Variants in KHDRBS2 observed in about 807,000 individuals in gnomAD.
KHDRBS2 encodes the protein KH RNA binding domain containing, signal transduction associated 2.
A neutral mutation model predicts 44.3 loss-of-function variants in KHDRBS2; 26 were observed. The observed-to-expected ratio is 0.59, with a 90% CI of 0.43 to 0.81. The LOEUF is 0.81. Ranked by LOEUF, KHDRBS2 falls within the 40% of genes least tolerant of loss-of-function variation. The pLI is 0.00. For synonymous variants in KHDRBS2, 194 were observed against 151.1 expected (o/e 1.28, Z -2.08); for missense variants, 476 against 433.1 (o/e 1.10, Z -0.88).
chr6:62,044,399 C>T (rs1258224036), intron 3 of KHDRBS2, among the ~76,000 whole-genome samples: 1 of 151,720 alleles, frequency 6.6e-6, no homozygotes, highest in African/African-American at 2.4e-5. Context: ...TCACTCGAGC[C>T]CTGAGCCCAA....
At chr6:61,865,217 C>T (rs896942295) in intron 6 of KHDRBS2, among the ~76,000 whole-genome samples, 1 of 152,132 alleles carries the variant, frequency 6.6e-6, no homozygotes, top group Non-Finnish European at 1.5e-5. Context: ...TTACAAGGTG[C>T]TCCTTTGGTT....
the KHDRBS2 span, among the ~76,000 whole-genome samples, chr6:61,610,883 C>T: frequency 8.5e-5 from 13 of 152,182 alleles, no homozygotes; most frequent in East Asian, 9.6e-4. Context: ...ACGGAATCCA[C>T]TCTTATAACT....
chr6:61,565,409 G>C, the KHDRBS2 span, among the ~76,000 whole-genome samples: 1 of 151,878 alleles, frequency 6.6e-6, no homozygotes, highest in African/African-American at 2.4e-5. Flanking sequence ...ATATTTAGAA[G>C]TATTCAACTG....
intron 6 of KHDRBS2, among the ~76,000 whole-genome samples, chr6:61,755,678 G>A (rs1452832066): frequency 2.0e-5 from 3 of 151,828 alleles, no homozygotes; most frequent in Non-Finnish European, 2.9e-5. Flanking sequence ...GGGTGTGGTG[G>A]TGTGTGCCTG....
intron 3 of KHDRBS2, among the ~76,000 whole-genome samples, chr6:62,023,150 A>G (rs1434153221): frequency 6.6e-6 from 1 of 151,746 alleles, no homozygotes; most frequent in East Asian, 1.9e-4. Flanking sequence ...AAGATAATTT[A>G]CTTCTAAAAT....
Position 61,778,800 on chromosome 6 carries a change from C to T in KHDRBS2, c.811-46036G>A, listed in dbSNP as rs182107276. ...CTCCACCAGTTTAAATGATAAAATG[C>T]CAGAAAGAATGGACTAGCTATTGAC... On this transcript the variant is annotated intron_variant, in intron 6 of 8. Transcript: ENST00000281156. Among the ~76,000 whole-genome samples, 11 of 152,250 alleles carry T rather than the reference C, an allele frequency of 7.2e-5. No individual in the cohort carries two copies. In the East Asian group the frequency reaches 2.1e-3, roughly 29 times the overall value.
intron 3 of KHDRBS2, among the ~76,000 whole-genome samples, chr6:62,030,071 G>T (rs1356372236): frequency 6.6e-6 from 1 of 151,932 alleles, no homozygotes; most frequent in Non-Finnish European, 1.5e-5. Context: ...AAATGTAAGC[G>T]AAAGCAGAAC....
At chr6:61,672,091 C>A in the KHDRBS2 span, among the ~76,000 whole-genome samples, 125 of 140,276 alleles carry the variant, frequency 8.9e-4, no homozygotes, top group African/African-American at 3.3e-3. Flanking sequence ...TGAGAATATG[C>A]GGTGTTTGGT....
chr6:62,160,753 G>T (rs563911608), intron 2 of KHDRBS2, among the ~76,000 whole-genome samples: 1 of 152,136 alleles, frequency 6.6e-6, no homozygotes, highest in Non-Finnish European at 1.5e-5. Context: ...CCAGTTGAGA[G>T]AAGGTGATGA....
chr6:61,669,855 C>T, the KHDRBS2 span, among the ~76,000 whole-genome samples: 1 of 150,950 alleles, frequency 6.6e-6, no homozygotes, highest in African/African-American at 2.4e-5. Flanking sequence ...TTAATCATCC[C>T]CGCATACACA....
At chr6:61,921,036 G>T (rs1379368295) in intron 4 of KHDRBS2, among the ~76,000 whole-genome samples, 7 of 151,870 alleles carry the variant, frequency 4.6e-5, no homozygotes, top group Non-Finnish European at 8.8e-5. Context: ...AAAAGGTAAA[G>T]AAAAGTTTGA....
At chr6:61,893,275 G>A (rs1365827728) in intron 6 of KHDRBS2, among the ~76,000 whole-genome samples, 4 of 152,084 alleles carry the variant, frequency 2.6e-5, no homozygotes, top group South Asian at 2.1e-4. Context: ...ATGTGGAGAA[G>A]TAGGAACACT....
At chr6:61,808,515 G>A (rs1459912935) in intron 6 of KHDRBS2, among the ~76,000 whole-genome samples, 1 of 152,080 alleles carries the variant, frequency 6.6e-6, no homozygotes, top group Non-Finnish European at 1.5e-5. Flanking sequence ...TATTGATCAA[G>A]GGTAAATGTG....
intron 2 of KHDRBS2, among the ~76,000 whole-genome samples, chr6:62,133,339 T>C (rs1004630895): frequency 2.0e-5 from 3 of 152,276 alleles, no homozygotes; most frequent in Middle Eastern, 3.4e-3. Context: ...TGAGATCTGA[T>C]AGTTTTATAA....
intron 1 of KHDRBS2, among the ~76,000 whole-genome samples, chr6:62,192,164 T>C (rs555365495): frequency 1.3e-5 from 2 of 152,234 alleles, no homozygotes; most frequent in Admixed American, 6.5e-5. Context: ...GTAGATCTGA[T>C]ATTGATATAA....
At chr6:61,640,307 A>T in the KHDRBS2 span, among the ~76,000 whole-genome samples, 17 of 151,940 alleles carry the variant, frequency 1.1e-4, no homozygotes, top group South Asian at 3.5e-3. Flanking sequence ...ATATTTCCAT[A>T]AAAAGTTTAA....
At chr6:61,567,577 C>T in the KHDRBS2 span, among the ~76,000 whole-genome samples, 1 of 152,116 alleles carries the variant, frequency 6.6e-6, no homozygotes, top group Admixed American at 6.6e-5. Context: ...GGAGTTTGCG[C>T]CTGCAATGAG....
intron 4 of KHDRBS2, among the ~76,000 whole-genome samples, chr6:61,918,899 T>C (rs1687883466): frequency 6.6e-6 from 1 of 151,964 alleles, no homozygotes; most frequent in Admixed American, 6.6e-5. Context: ...ATAAATTAGA[T>C]AGGCTGCTTT....
chr6:61,559,378 CTA>C, the KHDRBS2 span, among the ~76,000 whole-genome samples: 1 of 150,700 alleles, frequency 6.6e-6, no homozygotes, highest in Admixed American at 6.6e-5. Context: ...TTCAGCCAGT[CTA>C]TGTCTTTTAA....
Sources: gnomAD v4.1 joint callset for allele counts (sites outside exome capture counted in the v4.1 genomes callset) on GRCh38, gnomAD v4.1.1 for gene constraint, MANE v1.5 for transcripts, NCBI Gene and HGNC (gene_info 2026-07-23, HGNC 2026-07-21) for gene names.